Variants in LRRC4C observed in about 807,000 individuals in gnomAD.
LRRC4C encodes leucine rich repeat containing 4C, also known as leucine-rich repeat-containing protein 4C.
Under a neutral mutation model 33.6 loss-of-function variants are expected in LRRC4C, and 5 were observed. The observed-to-expected ratio is 0.15, with a 90% CI of 0.08 to 0.31. The LOEUF (loss-of-function observed/expected upper bound fraction) is 0.31. LRRC4C is among the 10% of genes least tolerant of loss of function. The probability of loss-of-function intolerance (pLI) is 1.00; values close to 1 mark genes in which losing one functional copy is unlikely to be tolerated. For synonymous variants in LRRC4C, 329 were observed against 302.0 expected (o/e 1.09, Z -0.93); for missense variants, 560 against 796.7 (o/e 0.70, Z 3.58).
At chr11:41,017,694 G>C (rs906596217) in intron 1 of LRRC4C, among the ~76,000 whole-genome samples, 1 of 151,222 alleles carries the variant, frequency 6.6e-6, no homozygotes, top group South Asian at 2.1e-4. Flanking sequence ...GAGAAAGATT[G>C]GGAAAGAAAA....
At chr11:41,236,205 T>C (rs1283596876) in intron 1 of LRRC4C, among the ~76,000 whole-genome samples, 2 of 152,040 alleles carry the variant, frequency 1.3e-5, no homozygotes, top group Non-Finnish European at 2.9e-5. Flanking sequence ...TGACCTCAGG[T>C]ATAGAAGCTC....
At chr11:40,798,242 G>T (rs895430221) in intron 2 of LRRC4C, among the ~76,000 whole-genome samples, 12 of 152,168 alleles carry the variant, frequency 7.9e-5, no homozygotes, top group Non-Finnish European at 1.5e-4. Context: ...TGCCAAGAAT[G>T]CTATGTGTGC....
intron 3 of LRRC4C, among the ~76,000 whole-genome samples, chr11:40,532,760 A>T (rs16934913): frequency 6.6e-6 from 1 of 151,864 alleles, no homozygotes; most frequent in Non-Finnish European, 1.5e-5. Context: ...CTAAAATATC[A>T]GCTGGTGTAT....
At chr11:40,457,491 C>T (rs905852495) in intron 3 of LRRC4C, among the ~76,000 whole-genome samples, 6 of 152,092 alleles carry the variant, frequency 3.9e-5, no homozygotes, top group African/African-American at 1.4e-4. Context: ...AATACCTGAA[C>T]ATTTAGTACA....
intron 2 of LRRC4C, among the ~76,000 whole-genome samples, chr11:40,774,924 T>C (rs904622915): frequency 9.2e-5 from 14 of 152,084 alleles, no homozygotes; most frequent in African/African-American, 3.4e-4. Context: ...CAAATAATTA[T>C]CTGCTGGCAT....
At chr11:40,777,932 C>A (rs1161932093) in intron 2 of LRRC4C, among the ~76,000 whole-genome samples, 1 of 152,106 alleles carries the variant, frequency 6.6e-6, no homozygotes, top group African/African-American at 2.4e-5. Context: ...TCGTGATCCA[C>A]CCGCCTCGGC....
chr11:40,787,240 A>G (rs981863725), intron 2 of LRRC4C, among the ~76,000 whole-genome samples: 2 of 149,864 alleles, frequency 1.3e-5, no homozygotes, highest in African/African-American at 5.1e-5. Context: ...TCTGTCACAC[A>G]TTGTTCTGTT....
rs76522577 is a variant in LRRC4C, at chr11:41,248,643, C to T, written c.-496+210788G>A. On this transcript the variant is annotated intron_variant, in intron 1 of 6. Transcript: ENST00000528697. ...AGATCTATAATCTTCTTTTATTATA[C>T]TTACTTCCTAAATGCTTCCACTCAA... 5.9e-3 allele frequency among the ~76,000 whole-genome samples: 905 copies of T among 152,236 alleles called. 12 individuals are homozygous for T. The highest frequency in any genetic ancestry group is 0.021 in the African/African-American group (854 of 41,534).
chr11:40,129,976 G>T (rs1329933194), intron 6 of LRRC4C, among the ~76,000 whole-genome samples: 1 of 152,120 alleles, frequency 6.6e-6, no homozygotes, highest in Non-Finnish European at 1.5e-5. Flanking sequence ...GGAGAGATAA[G>T]TGTACCTGGC....
chr11:40,629,582 T>A (rs74462949), intron 3 of LRRC4C, among the ~76,000 whole-genome samples: 1 of 152,312 alleles, frequency 6.6e-6, no homozygotes, highest in East Asian at 1.9e-4. Flanking sequence ...CTGACAAGAA[T>A]GGATTCACTC....
At chr11:40,430,541 A>G (rs1950879836) in intron 3 of LRRC4C, among the ~76,000 whole-genome samples, 1 of 152,170 alleles carries the variant, frequency 6.6e-6, no homozygotes, top group South Asian at 2.1e-4. Flanking sequence ...TCTCTTACAT[A>G]GATACAATTG....
chr11:40,458,570 C>G (rs907066604), intron 3 of LRRC4C, among the ~76,000 whole-genome samples: 2 of 152,156 alleles, frequency 1.3e-5, no homozygotes, highest in Non-Finnish European at 2.9e-5. Context: ...TAACCTTATT[C>G]TCTGTTCAGT....
In LRRC4C at chr11:40,819,662, G is replaced by T. The variant is rs141124289; in HGVS notation, c.-407+113973C>A. Among the ~76,000 whole-genome samples the T allele has an allele frequency of 1.8e-3, 279 of 151,904 alleles. 13 individuals carry two copies. In the South Asian group the frequency reaches 0.041, roughly 22 times the overall value. The stretch of plus-strand genomic sequence containing the variant: ...TAGTCCTGGTCAACCCAGAAGCTGT[G>T]TGCATAAACACAGGAGATGCAAAAG... On this transcript the variant is annotated intron_variant, in intron 2 of 6. Transcript: ENST00000528697.
chr11:41,076,370 T>G (rs1233628164), intron 1 of LRRC4C, among the ~76,000 whole-genome samples: 2 of 152,210 alleles, frequency 1.3e-5, no homozygotes, highest in Non-Finnish European at 2.9e-5. Context: ...GGGTAATTGA[T>G]GAATTAAAGA....
At chr11:40,952,602 C>A (rs759590437) in intron 1 of LRRC4C, among the ~76,000 whole-genome samples, 11 of 151,838 alleles carry the variant, frequency 7.2e-5, no homozygotes, top group Non-Finnish European at 1.3e-4. Context: ...TGATACAAAG[C>A]CCACTGGATA....
At chr11:41,244,393 G>A (rs1401280655) in intron 1 of LRRC4C, among the ~76,000 whole-genome samples, 1 of 152,152 alleles carries the variant, frequency 6.6e-6, no homozygotes, top group East Asian at 1.9e-4. Flanking sequence ...TTATTGGGGT[G>A]GGGGACAGCT....
Position 40,990,601 on chromosome 11 carries a change from C to A in LRRC4C, c.-495-56878G>T, listed in dbSNP as rs116452857. Among the ~76,000 whole-genome samples, 485 of 152,168 alleles carry A rather than the reference C, an allele frequency of 3.2e-3. 7 individuals carry two copies. The South Asian group carries it at 0.036, about 11-fold the overall frequency. On this transcript the variant is annotated intron_variant, in intron 1 of 6. Transcript: ENST00000528697. ...GATCCCATGAGGTTAAAACTATATT[C>A]ATAATGATACTAAGACATTCTTTGC...
intron 1 of LRRC4C, among the ~76,000 whole-genome samples, chr11:41,273,580 C>A (rs145867576): frequency 6.6e-6 from 1 of 152,020 alleles, no homozygotes; most frequent in African/African-American, 2.4e-5. Flanking sequence ...TGGTAATTTC[C>A]AGAGGCTAAA....
At chr11:41,308,965 C>T (rs1426470959) in intron 1 of LRRC4C, among the ~76,000 whole-genome samples, 9 of 152,064 alleles carry the variant, frequency 5.9e-5, no homozygotes, top group Admixed American at 1.3e-4. Flanking sequence ...TCAACACGCC[C>T]GGCTAATTTT....
Sources: gnomAD v4.1 joint callset for allele counts (sites outside exome capture counted in the v4.1 genomes callset) on GRCh38, gnomAD v4.1.1 for gene constraint, MANE v1.5 for transcripts, NCBI Gene and HGNC (gene_info 2026-07-23, HGNC 2026-07-21) for gene names.